DENND4A: variants seen among roughly 807,000 people sequenced by gnomAD.
DENND4A encodes C-myc promoter-binding protein.
In DENND4A, 70 loss-of-function variants were observed where a neutral mutation model predicts 199.3. That is an observed-to-expected ratio of 0.35 (90% CI 0.29 to 0.43). The LOEUF is 0.43. DENND4A is among the 20% of genes least tolerant of loss of function. The pLI is 1.00. For missense variants in DENND4A, 1,723 were observed against 2,255.8 expected (o/e 0.76, Z 4.78); for synonymous variants, 686 against 766.9 (o/e 0.89, Z 1.74).
In DENND4A at chr15:65,667,933, C is replaced by T. The variant is rs762210262; in HGVS notation, c.4978G>A (p.Gly1660Arg). ...TACACCAAAATACATACTGTAGCTCCTTGTAAAGTAGCTGGCAGGCTGCCT... is the reference window on the plus strand; with the variant it reads ...TACACCAAAATACATACTGTAGCTCTTTGTAAAGTAGCTGGCAGGCTGCCT... ...STGSLPATLQ[G>R]ATDSLGLEWH... The change falls in exon 28 of 33, where the codon GGA becomes AGA. Residue 1660 changes from glycine (G) to arginine (R), a missense_variant. Gly to Arg is a moderately radical substitution (Grantham distance 125). Transcript: ENST00000443035. The T allele has an allele frequency of 4.4e-6, 7 of 1,605,632 alleles. No individual in the cohort carries two copies. The Admixed American group carries it at 1.0e-4, about 24-fold the overall frequency.
At chr15:65,686,632 A>G (rs991501953) in intron 23 of DENND4A, among the ~76,000 whole-genome samples, 10 of 152,160 alleles carry the variant, frequency 6.6e-5, no homozygotes, top group African/African-American at 2.4e-4. Flanking sequence ...TCCTGGACTC[A>G]AGCAATCCAG....
intron 13 of DENND4A, 102 bp downstream of exon 13, chr15:65,717,676 T>C (rs2075449800): frequency 9.6e-7 from 1 of 1,037,044 alleles, no homozygotes; most frequent in African/African-American, 1.6e-5. Flanking sequence ...TCAAAATAGG[T>C]ATGTATTCTC....
chr15:65,746,858 A>C (rs955330275), intron 4 of DENND4A, among the ~76,000 whole-genome samples: 10 of 151,246 alleles, frequency 6.6e-5, no homozygotes, highest in Non-Finnish European at 1.3e-4. Context: ...GGATCACTTG[A>C]GATCAGAAGA....
At chr15:65,766,362 T>C (rs1315081146) in intron 1 of DENND4A, 2 of 152,140 alleles carry the variant, frequency 1.3e-5, no homozygotes, top group African/African-American at 2.4e-5. Flanking sequence ...CAGAACATTA[T>C]ACTTGAACAT....
intron 23 of DENND4A, among the ~76,000 whole-genome samples, chr15:65,685,985 A>G (rs2076765387): frequency 1.3e-5 from 2 of 152,158 alleles, no homozygotes; most frequent in African/African-American, 4.8e-5. Flanking sequence ...TTCTTTTTCC[A>G]AATTGTTTTG....
At position 65,676,570 on chromosome 15, in the gene DENND4A, A is replaced by G. The variant is rs2076390063; in HGVS notation, c.4244T>C (p.Leu1415Ser). Reference protein sequence around the residue: ...VGAQDSESTSLTDEDVCHELE... With the variant: ...VGAQDSESTSSTDEDVCHELE... Reference sequence around the variant, plus strand: ...CTCATGGCAGACATCTTCATCTGTTAAAGAGGTAGATTCAGAATCCTGGGC... The same window carrying G: ...CTCATGGCAGACATCTTCATCTGTTGAAGAGGTAGATTCAGAATCCTGGGC... The change falls in exon 24 of 33, where the codon TTA becomes TCA. Residue 1415 changes from leucine to serine, a missense_variant. Physicochemically the swap from Leu to Ser is moderately radical, Grantham distance 145. Transcript: ENST00000443035. 6.2e-7 allele frequency: 1 copy of G among 1,613,512 alleles called. No individual in the cohort carries two copies. Among genetic ancestry groups the G allele is most frequent in the Non-Finnish European group, 8.5e-7 (1 of 1,179,732 alleles).
chr15:65,671,771 C>A (rs918380073), intron 25 of DENND4A, 21 bp downstream of exon 25: 1 of 1,448,052 alleles, frequency 6.9e-7, no homozygotes, highest in South Asian at 1.1e-5. Flanking sequence ...TATGAAGATT[C>A]TCTTTTGCAC....
intron 14 of DENND4A, among the ~76,000 whole-genome samples, chr15:65,710,433 GT>G (rs2075211159): frequency 6.6e-6 from 1 of 152,064 alleles, no homozygotes; most frequent in Non-Finnish European, 1.5e-5. Flanking sequence ...ATTCAGTAAG[GT>G]TTGCACAAGG....
At chr15:65,761,135 C>T (rs2076840901) in intron 2 of DENND4A, among the ~76,000 whole-genome samples, 1 of 152,150 alleles carries the variant, frequency 6.6e-6, no homozygotes, top group African/African-American at 2.4e-5. Context: ...GTATACTTCA[C>T]ATTGAAGATT....
intron 3 of DENND4A, 48 bp downstream of exon 3, chr15:65,756,092 G>A (rs774919222): frequency 6.3e-6 from 9 of 1,435,586 alleles, no homozygotes; most frequent in Non-Finnish European, 8.5e-6. Flanking sequence ...AATCTACAAG[G>A]CATATTATTT....
In DENND4A at chr15:65,712,368, G is replaced by A. The variant is rs985300944; in HGVS notation, c.1953+3110C>T. On this transcript the variant is annotated intron_variant, in intron 14 of 32. Transcript: ENST00000443035. ...TAAACGTGAATAAAACCCAGTTAAA[G>A]GCAAAAACAGTCATAATATTTTCTT... is the stretch of plus-strand genomic sequence containing the variant. 9.2e-5 allele frequency among the ~76,000 whole-genome samples: 14 copies of A among 152,126 alleles called. No homozygotes were observed. In the East Asian group the frequency reaches 2.7e-3, roughly 29 times the overall value.
chr15:65,706,247 T>C (rs889284783), intron 14 of DENND4A, 23 bp from the exon 15 acceptor site: 8 of 1,467,786 alleles, frequency 5.5e-6, no homozygotes, highest in Admixed American at 2.6e-5. Flanking sequence ...TAAAAACATA[T>C]ATTAAAAAAG....
At chr15:65,782,449 A>C (rs532999766) in intron 1 of DENND4A, among the ~76,000 whole-genome samples, 1 of 152,222 alleles carries the variant, frequency 6.6e-6, no homozygotes, top group Admixed American at 6.5e-5. Flanking sequence ...CTACTCTTCG[A>C]ACTTTTCTTA....
At chr15:65,735,487 A>G (rs564664623) in intron 7 of DENND4A, among the ~76,000 whole-genome samples, 1 of 152,346 alleles carries the variant, frequency 6.6e-6, no homozygotes, top group Admixed American at 6.5e-5. Flanking sequence ...CATTGTGGGT[A>G]AAACTGCTGG....
intron 23 of DENND4A, chr15:65,680,659 T>C (rs2076541624): frequency 6.6e-6 from 1 of 152,182 alleles, no homozygotes; most frequent in Non-Finnish European, 1.5e-5. Context: ...TAACCATTTA[T>C]TTAGTGCCTT....
At chr15:65,665,993 C>T (rs1336107804) in intron 29 of DENND4A, among the ~76,000 whole-genome samples, 1 of 152,068 alleles carries the variant, frequency 6.6e-6, no homozygotes, top group African/African-American at 2.4e-5. Flanking sequence ...TACAAATGAA[C>T]ATATAACAAA....
At chr15:65,779,623 C>A (rs914943875) in intron 1 of DENND4A, among the ~76,000 whole-genome samples, 1 of 150,698 alleles carries the variant, frequency 6.6e-6, no homozygotes, top group Non-Finnish European at 1.5e-5. Context: ...TACAGGGGAA[C>A]ACTACCATGC....
intron 1 of DENND4A, among the ~76,000 whole-genome samples, chr15:65,770,138 C>T (rs2077092855): frequency 6.6e-6 from 1 of 152,124 alleles, no homozygotes; most frequent in Admixed American, 6.5e-5. Flanking sequence ...ATGCTCTGAT[C>T]AGATAAGTAT....
chr15:65,675,219 T>A (rs2076338730), intron 24 of DENND4A, among the ~76,000 whole-genome samples: 1 of 152,088 alleles, frequency 6.6e-6, no homozygotes, highest in Non-Finnish European at 1.5e-5. Flanking sequence ...CAAAAAAGAA[T>A]ATGTGACAGA....
Sources: allele counts gnomAD v4.1 joint callset (sites outside exome capture counted in the v4.1 genomes callset), GRCh38; gene constraint gnomAD v4.1.1; transcripts MANE v1.5; gene names NCBI Gene and HGNC (gene_info 2026-07-23, HGNC 2026-07-21).